The following ALOX15 variants were observed in gnomAD, a reference collection of about 807,000 sequenced individuals.
ALOX15 encodes the protein polyunsaturated fatty acid lipoxygenase ALOX15.
In ALOX15, 68 loss-of-function variants were observed where a neutral mutation model predicts 71.7. The ratio of observed to expected loss-of-function variants is 0.95; its 90% CI spans 0.78 to 1.16. The LOEUF is 1.16. Ranked by LOEUF, ALOX15 falls within the 50% of genes most tolerant of loss-of-function variation. The probability of loss-of-function intolerance (pLI) is 0.00; values close to 1 mark genes in which losing one functional copy is unlikely to be tolerated. For synonymous variants in ALOX15, 346 were observed against 333.3 expected (o/e 1.04, Z -0.42); for missense variants, 798 against 818.8 (o/e 0.97, Z 0.31).
intron 2 of ALOX15, 135 bp downstream of exon 2, chr17:4,639,295 C>A: frequency 7.3e-7 from 1 of 1,374,654 alleles, no homozygotes; most frequent in Non-Finnish European, 1.0e-6. Flanking sequence ...GCAGCCACCG[C>A]CCCTTCGACA....
chr17:4,641,449 C>T lies in ALOX15; in HGVS notation c.135+68G>A, dbSNP rs141109787. 1.4e-3 allele frequency: 2,201 copies of T among 1,563,982 alleles called. 2 individuals are homozygous for T. The highest frequency in any genetic ancestry group is 1.7e-3 in the Non-Finnish European group (1,986 of 1,152,776). ...GCCAGAGGCCAACGGGGGCGCATGT[C>T]CTCCCCGGTATTTGACTGACTCGGA... is the stretch of plus-strand genomic sequence containing the variant. On this transcript the variant is annotated intron_variant, in intron 1 of 13. Transcript: ENST00000293761.
intron 1 of ALOX15, 50 bp downstream of exon 1, chr17:4,641,467 G>A (rs1382588522): frequency 1.3e-6 from 2 of 1,592,978 alleles, no homozygotes; most frequent in East Asian, 2.2e-5. Context: ...GTATTTGACT[G>A]ACTCGGAGCC....
chr17:4,641,360 C>T (rs943270495), intron 1 of ALOX15, among the ~76,000 whole-genome samples, 157 bp downstream of exon 1: 1 of 152,220 alleles, frequency 6.6e-6, no homozygotes, highest in Non-Finnish European at 1.5e-5. Context: ...GCCCTAAAGC[C>T]CCCCACCCCC....
At chr17:4,639,210 C>G in intron 2 of ALOX15, 78 bp from the exon 3 acceptor site, 1 of 1,556,578 alleles carries the variant, frequency 6.4e-7, no homozygotes, top group Non-Finnish European at 8.8e-7. Flanking sequence ...AGCCTCAGCA[C>G]CCCGTCCTTC....
At position 4,639,543 on chromosome 17, in the gene ALOX15, G is replaced by C. The variant is rs771509196; in HGVS notation, c.224C>G (p.Ala75Gly). ...CACAGAGATCCAGTTGCAGAACCAG[G>C]CGTCGTCCTTAAGGAGGTGCCGTTT... Reference protein sequence around the residue: ...LRKRHLLKDDAWFCNWISVQG... With the variant: ...LRKRHLLKDDGWFCNWISVQG... The change falls in exon 2 of 14, where the codon GCC becomes GGC. Residue 75 changes from alanine to glycine, a missense_variant. Physicochemically the swap from Ala to Gly is moderately conservative, Grantham distance 60. Around this residue, in one of 3 missense-constraint regions of ALOX15, gnomAD observed 300 missense variants for 283.1 expected, o/e 1.06. Transcript: ENST00000293761. 22 of 1,613,906 alleles carry C rather than the reference G, an allele frequency of 1.4e-5. No homozygotes were observed. The highest frequency in any genetic ancestry group is 1.8e-5 in the Non-Finnish European group (21 of 1,179,978).
chr17:4,639,369 G>A (rs1911234958), intron 2 of ALOX15, 61 bp downstream of exon 2: 15 of 1,586,946 alleles, frequency 9.5e-6, no homozygotes, highest in African/African-American at 1.4e-5. Flanking sequence ...CTCCACACGC[G>A]CATCCCCCCA....
rs1393553191 is a variant in ALOX15 at position 4,631,370 on chromosome 17, G to C, written c.*230C>G. 1 of 558,780 alleles carries C rather than the reference G, an allele frequency of 1.8e-6. No homozygotes were observed. Among genetic ancestry groups the C allele is most frequent in the East Asian group, 2.9e-5 (1 of 34,780 alleles). The allele number at this position is 558,780 out of a possible 1,614,324, so 34.6% of individuals were successfully genotyped here. A position where few individuals can be genotyped will look rare whatever the true frequency, so the allele number is the denominator to read the frequency against. On this transcript the variant is annotated 3_prime_UTR_variant, in exon 14 of 14. Coordinates refer to ENST00000293761, the MANE Select transcript of ALOX15 (RefSeq NM_001140.5). ...ATCTGAATGAAGAAAGAGGAAGAGA[G>C]AGAGGAAGGAAGATAGGAAAGGAGG...
At position 4,633,252 on chromosome 17, in the gene ALOX15, A is replaced by G. The variant is rs1347966262; in HGVS notation, c.1312T>C (p.Tyr438His). The G allele has an allele frequency of 6.2e-7, 1 of 1,614,218 alleles. No homozygotes were observed. Among genetic ancestry groups the G allele is most frequent in the Non-Finnish European group, 8.5e-7 (1 of 1,180,038 alleles). The change falls in exon 10 of 14, where the codon TAC becomes CAC. Residue 438 changes from tyrosine to histidine, a missense_variant. Coordinates refer to ENST00000293761, the MANE Select transcript of ALOX15 (RefSeq NM_001140.5). ...LLKQAGAFLT[Y>H]SSFCPPDDLA... ...TCATCAGGGGGACAGAAGGAGCTGT[A>G]GGTTAGGAAGGCTCCAGCTTGCTTG... is the stretch of plus-strand genomic sequence containing the variant.
intron 8 of ALOX15, among the ~76,000 whole-genome samples, chr17:4,634,763 G>A (rs1345841387): frequency 1.3e-5 from 2 of 151,828 alleles, no homozygotes; most frequent in Non-Finnish European, 2.9e-5. Context: ...CGGATCACCT[G>A]AGGTCAGGAG....
intron 8 of ALOX15, among the ~76,000 whole-genome samples, chr17:4,633,809 A>G (rs933981496): frequency 6.6e-6 from 1 of 152,230 alleles, no homozygotes; most frequent in Non-Finnish European, 1.5e-5. Flanking sequence ...GACCAGGTAA[A>G]GAAAATGTGG....
Position 4,639,430 on chromosome 17 carries a change from C to T in ALOX15, c.337G>A (p.Gly113Ser), listed in dbSNP as rs41509647. Residue 113 changes from glycine (G) to serine (S), a missense_variant and splice_region_variant, in exon 2 of 14, where the codon GGC (glycine) becomes AGC (serine). Gly to Ser is a moderately conservative substitution (Grantham distance 56). Transcript: ENST00000293761. ...NGVLSLPEGT[G>S]RTVGEDPQGL... ...CTGACACCCTCAGCCCCGCGCTTAC[C>T]GGTGCCTTCAGGCAGGCTCAGGACG... 15,723 of 1,288,028 alleles carry T rather than the reference C, an allele frequency of 0.012. No individual in the cohort carries two copies. The highest frequency in any genetic ancestry group is 0.015 in the Non-Finnish European group (13,760 of 897,608). The allele number at this position is 1,288,028 out of a possible 1,614,324, so 79.8% of individuals were successfully genotyped here.
chr17:4,632,137 C>T (rs1017010920), intron 12 of ALOX15, 44 bp downstream of exon 12: 1 of 1,613,566 alleles, frequency 6.2e-7, no homozygotes, highest in Non-Finnish European at 8.5e-7. Flanking sequence ...ACCCCTCCCT[C>T]ACTCCAGGCC....
chr17:4,637,631 C>G lies in ALOX15; in HGVS notation c.808-373G>C, dbSNP rs1255919801. On this transcript the variant is annotated intron_variant, in intron 6 of 13. Transcript: ENST00000293761. ...GTTTCACCACGTTGCCTAGGCTGGT[C>G]TCCAACTCCTGGGCTCAGGTGATCC... is the stretch of plus-strand genomic sequence containing the variant. Among the ~76,000 whole-genome samples, 3 of 152,144 alleles carry G rather than the reference C, an allele frequency of 2.0e-5. No individual in the cohort carries two copies. In the East Asian group the frequency reaches 5.8e-4, roughly 29 times the overall value.
rs1911215148 is a variant in ALOX15, at chr17:4,638,913, A to T, written c.479T>A (p.Leu160His). Reference sequence around the variant, plus strand: ...TTCCAGAAATCGCTCATCCACAGGGAGGTCATATAGTTTGGCCCCAGCCAT... The same window carrying T: ...TTCCAGAAATCGCTCATCCACAGGGTGGTCATATAGTTTGGCCCCAGCCAT... Reference protein sequence around the residue: ...LNMAGAKLYDLPVDERFLEDK... With the variant: ...LNMAGAKLYDHPVDERFLEDK... The change falls in exon 4 of 14, where the codon CTC becomes CAC. Residue 160 changes from leucine to histidine, a missense_variant. Around this residue, in one of 3 missense-constraint regions of ALOX15, gnomAD observed 300 missense variants for 283.1 expected, o/e 1.06. Coordinates refer to ENST00000293761, the MANE Select transcript of ALOX15 (RefSeq NM_001140.5). 2 of 1,614,090 alleles carry T rather than the reference A, an allele frequency of 1.2e-6. No homozygotes were observed. Among genetic ancestry groups the T allele is most frequent in the Non-Finnish European group, 1.7e-6 (2 of 1,180,044 alleles).
rs760725388 is a variant in ALOX15 at position 4,638,594 on chromosome 17, C to T, written c.633G>A (p.Gln211=). ...DDFNRIFWCG[Q]SKLAERVRDS... is the part of the protein sequence containing the mutation. ...TGGGGGACTGACCAGCCAGCTTGCT[C>T]TGACCACACCAGAAAATCCGGTTGA... The change falls in exon 5 of 14, where the codon CAG becomes CAA. Residue 211 remains glutamine (Q), a synonymous_variant. Coordinates refer to ENST00000293761, the MANE Select transcript of ALOX15 (RefSeq NM_001140.5). The T allele has an allele frequency of 1.9e-5, 31 of 1,614,134 alleles. No homozygotes were observed. Among genetic ancestry groups the T allele is most frequent in the Non-Finnish European group, 2.6e-5 (31 of 1,180,032 alleles).
At position 4,633,465 on chromosome 17, in the gene ALOX15, A is replaced by G. The variant is rs1351336806; in HGVS notation, c.1197T>C (p.Ile399=). Residue 399 remains isoleucine (I), a synonymous_variant, in exon 9 of 14, where the codon ATT becomes ATC. Transcript: ENST00000293761. ...IIPHLRYTLE[I]NVRARTGLVS... ...CCAGCCCAGTCCTGGCCCGGACGTT[A>G]ATTTCCAGGGTGTATCGCAGGTGGG... is the stretch of plus-strand genomic sequence containing the variant. The G allele has an allele frequency of 1.9e-6, 3 of 1,613,978 alleles. No individual in the cohort carries two copies. In the African/African-American group the frequency reaches 4.0e-5, roughly 22 times the overall value.
chr17:4,638,968 C>T lies in ALOX15; in HGVS notation c.424G>A (p.Gly142Arg). The T allele has an allele frequency of 1.2e-6, 2 of 1,614,230 alleles. No individual in the cohort carries two copies. Among genetic ancestry groups the T allele is most frequent in the South Asian group, 2.2e-5 (2 of 91,086 alleles). Reference protein sequence around the residue: ...LEERRKLYRWGNWKDGLILNM... With the variant: ...LEERRKLYRWRNWKDGLILNM... Reference sequence around the variant, plus strand: ...AGAATTAACCCGTCCTTCCAGTTTCCCCACCTGTGGGGCAGGAAGGAAATC... The same window carrying T: ...AGAATTAACCCGTCCTTCCAGTTTCTCCACCTGTGGGGCAGGAAGGAAATC... Residue 142 changes from glycine (G) to arginine (R), a missense_variant, in exon 4 of 14, where the codon GGA becomes AGA. Physicochemically the swap from Gly to Arg is moderately radical, Grantham distance 125. Transcript: ENST00000293761.
chr17:4,637,454 G>A (rs1392137394), intron 6 of ALOX15, among the ~76,000 whole-genome samples, 196 bp from the exon 7 acceptor site: 1 of 151,780 alleles, frequency 6.6e-6, no homozygotes, highest in African/African-American at 2.4e-5. Context: ...AGGCTGGAGT[G>A]CGTGGCAGGA....
At position 4,641,540 on chromosome 17, in the gene ALOX15, G is replaced by GCTTCCCGAGCGCCGCCTCCCCGTGCTGGC; in HGVS notation, c.83_111dup (p.Arg38AlafsTer36). The GCTTCCCGAGCGCCGCCTCCCCGTGCTGGC allele has an allele frequency of 6.2e-7, 1 of 1,613,138 alleles. No homozygotes were observed. Among genetic ancestry groups the GCTTCCCGAGCGCCGCCTCCCCGTGCTGGC allele is most frequent in the Middle Eastern group, 1.7e-4 (1 of 6,038 alleles). On this transcript the variant is annotated frameshift_variant, in exon 1 of 14. Transcript: ENST00000293761. LOFTEE classifies it high-confidence loss of function. Reference sequence around the variant, plus strand: ...ACCTTGCCCCGTGCGGGCCACAGTCGCTTCCCGAGCGCCGCCTCCCCGTGC... The same window carrying GCTTCCCGAGCGCCGCCTCCCCGTGCTGGC: ...ACCTTGCCCCGTGCGGGCCACAGTCGCTTCCCGAGCGCCGCCTCCCCGTGCTGGCCTTCCCGAGCGCCGCCTCCCCGTGC...
Sources: gnomAD v4.1 joint callset for allele counts (sites outside exome capture counted in the v4.1 genomes callset) on GRCh38, gnomAD v4.1.1 for gene constraint, gnomAD v4.1.1 regional missense constraint, MANE v1.5 for transcripts, NCBI Gene and HGNC (gene_info 2026-07-23, HGNC 2026-07-21) for gene names.